WDPCP: variants seen among roughly 807,000 people sequenced by gnomAD.
The protein encoded by WDPCP is WD repeat-containing and planar cell polarity effector protein fritz homolog.
Under a neutral mutation model 93.1 loss-of-function variants are expected in WDPCP, and 71 were observed. That is an observed-to-expected ratio of 0.76 (90% CI 0.63 to 0.93). The LOEUF (loss-of-function observed/expected upper bound fraction) is 0.93, where lower values mean the gene tolerates loss of function less well. Among genes scored for constraint, WDPCP ranks in the 40% least tolerant of loss-of-function variants. The probability of loss-of-function intolerance (pLI) is 0.00; values close to 1 mark genes in which losing one functional copy is unlikely to be tolerated. For synonymous variants in WDPCP, 315 were observed against 315.0 expected (o/e 1.00, Z 0.00); for missense variants, 844 against 887.4 (o/e 0.95, Z 0.62).
At chr2:63,268,912 T>A (rs868582588) in intron 13 of WDPCP, among the ~76,000 whole-genome samples, 1 of 152,160 alleles carries the variant, frequency 6.6e-6, no homozygotes, top group East Asian at 1.9e-4. Flanking sequence ...CCCACAAATA[T>A]ACACACATCA....
At chr2:63,138,069 AT>A (rs34667163) in intron 17 of WDPCP, among the ~76,000 whole-genome samples, 22,909 of 116,876 alleles carry the variant, frequency 0.2, 2,111 homozygotes, top group African/African-American at 0.26. Flanking sequence ...GTTCCATATG[AT>A]TTTTTTTTTT....
intron 3 of WDPCP, among the ~76,000 whole-genome samples, chr2:63,619,778 C>G (rs1294864707): frequency 6.6e-6 from 1 of 152,328 alleles, no homozygotes; most frequent in East Asian, 1.9e-4. Flanking sequence ...CCAGGCAGAT[C>G]AATGCAGAAG....
intron 2 of WDPCP, chr2:63,717,605 T>C (rs755825507): frequency 2.3e-5 from 12 of 526,722 alleles, no homozygotes; most frequent in Non-Finnish European, 3.9e-5. Context: ...GAGTTTGCTC[T>C]GAAACACCTG....
At chr2:63,209,963 T>C (rs1282507949) in intron 14 of WDPCP, among the ~76,000 whole-genome samples, 1 of 152,310 alleles carries the variant, frequency 6.6e-6, no homozygotes, top group South Asian at 2.1e-4. Context: ...CTAGAAAATA[T>C]GTACTGTGTT....
chr2:63,762,031 T>C (rs1316904231), intron 2 of WDPCP, among the ~76,000 whole-genome samples: 1 of 152,222 alleles, frequency 6.6e-6, no homozygotes, highest in Non-Finnish European at 1.5e-5. Flanking sequence ...TTAGCGTGGT[T>C]CTTCAAGACC....
chr2:63,270,463 T>C (rs1366969944), intron 13 of WDPCP, among the ~76,000 whole-genome samples: 1 of 152,192 alleles, frequency 6.6e-6, no homozygotes, highest in Non-Finnish European at 1.5e-5. Flanking sequence ...TTTATATTTT[T>C]CTGGAAATTA....
chr2:63,165,180 A>T (rs1312243389), intron 15 of WDPCP, among the ~76,000 whole-genome samples: 1 of 152,184 alleles, frequency 6.6e-6, no homozygotes, highest in African/African-American at 2.4e-5. Context: ...AATTTAAAAA[A>T]TATATTGTTT....
intron 1 of WDPCP, among the ~76,000 whole-genome samples, chr2:63,818,667 T>C (rs116833936): frequency 3.0e-3 from 463 of 152,290 alleles, no homozygotes; most frequent in African/African-American, 9.4e-3. Flanking sequence ...AAACATTATA[T>C]TGAGCAAAAG....
chr2:63,599,073 C>G, intron 3 of WDPCP: 1 of 1,278,044 alleles, frequency 7.8e-7, no homozygotes, highest in South Asian at 1.6e-5. Context: ...CTCCCCTGTA[C>G]AAAGGCTACC....
At chr2:63,514,778 G>A (rs564301266) in intron 1 of WDPCP, among the ~76,000 whole-genome samples, 3 of 152,178 alleles carry the variant, frequency 2.0e-5, no homozygotes, top group Non-Finnish European at 4.4e-5. Flanking sequence ...AGCCACAGAT[G>A]TGGATAGAGA....
At chr2:63,510,847 G>A (rs879423911) in intron 1 of WDPCP, among the ~76,000 whole-genome samples, 10 of 152,034 alleles carry the variant, frequency 6.6e-5, no homozygotes, top group Non-Finnish European at 1.3e-4. Flanking sequence ...GTGGTGGCGG[G>A]TGCCTGTAGT....
intron 13 of WDPCP, among the ~76,000 whole-genome samples, chr2:63,289,929 C>T (rs755676818): frequency 1.3e-5 from 2 of 151,708 alleles, no homozygotes; most frequent in Non-Finnish European, 2.9e-5. Flanking sequence ...ATATTTTTCA[C>T]ATTTTTTCTT....
In WDPCP at chr2:63,512,712, G is replaced by A. The variant is rs189296762; in HGVS notation, c.76-19772C>T. On this transcript the variant is annotated intron_variant, in intron 1 of 17. Transcript: ENST00000272321. ...AACAATGAGAACATATGGGCACAGG[G>A]AGGGGAACGTCACACACTGGGGCCT... is the stretch of plus-strand genomic sequence containing the variant. Among the ~76,000 whole-genome samples the A allele has an allele frequency of 6.2e-3, 946 of 152,154 alleles. 14 individuals are homozygous for A. The highest frequency in any genetic ancestry group is 0.022 in the African/African-American group (895 of 41,494).
chr2:63,177,475 T>G (rs1673899418), intron 14 of WDPCP, among the ~76,000 whole-genome samples: 1 of 152,208 alleles, frequency 6.6e-6, no homozygotes, highest in South Asian at 2.1e-4. Context: ...TTCCAAAGTA[T>G]TTTATTCTTT....
At chr2:63,528,177 C>T (rs1703506015) in intron 1 of WDPCP, among the ~76,000 whole-genome samples, 2 of 152,000 alleles carry the variant, frequency 1.3e-5, no homozygotes, top group South Asian at 2.1e-4. Flanking sequence ...GCCTCTTCAC[C>T]CTGATGGTAG....
rs536158751 is a variant in WDPCP, at chr2:63,434,041, A to C, written c.634-105T>G. 136 of 1,135,992 alleles carry C rather than the reference A, an allele frequency of 1.2e-4. 1 individual carries two copies. In the East Asian group the frequency reaches 3.4e-3, roughly 29 times the overall value. The allele number at this position is 1,135,992 out of a possible 1,614,324, so 70.4% of individuals were successfully genotyped here. ...TCTGGAAATGTAGTTACATGCAAGTAAATATGCATGTTAAACATGTGCGTA... is the reference window on the plus strand; with the variant it reads ...TCTGGAAATGTAGTTACATGCAAGTCAATATGCATGTTAAACATGTGCGTA... On this transcript the variant is annotated intron_variant, in intron 8 of 17. Transcript: ENST00000272321.
chr2:63,374,076 A>ATTTTTTTTTTTT (rs1328218552), intron 12 of WDPCP, among the ~76,000 whole-genome samples: 1 of 139,040 alleles, frequency 7.2e-6, no homozygotes. Context: ...TTTGTCTACC[A>ATTTTTTTTTTTT]TTCCTTTCTG....
At chr2:63,294,736 A>G (rs1684716326) in intron 13 of WDPCP, among the ~76,000 whole-genome samples, 1 of 151,252 alleles carries the variant, frequency 6.6e-6, no homozygotes, top group Non-Finnish European at 1.5e-5. Flanking sequence ...CCATACAAAG[A>G]AAAAAAAACT....
chr2:63,509,280 C>G (rs1315290136), intron 1 of WDPCP, among the ~76,000 whole-genome samples: 1 of 152,164 alleles, frequency 6.6e-6, no homozygotes, highest in Non-Finnish European at 1.5e-5. Flanking sequence ...TTAAGAAACT[C>G]ACTCAAAACC....
Sources: allele counts gnomAD v4.1 joint callset (sites outside exome capture counted in the v4.1 genomes callset), GRCh38; gene constraint gnomAD v4.1.1; transcripts MANE v1.5; gene names NCBI Gene and HGNC (gene_info 2026-07-23, HGNC 2026-07-21).